Variants in TUBB3 observed in about 807,000 individuals in gnomAD.
TUBB3 encodes the protein tubulin beta 3 class III, also known as tubulin beta-3 chain.
TUBB3 carries 17 observed loss-of-function variants against 37.8 expected under a neutral mutation model. The observed-to-expected ratio is 0.45, with a 90% CI of 0.31 to 0.67. The LOEUF (loss-of-function observed/expected upper bound fraction) is 0.67. TUBB3 is among the 30% of genes least tolerant of loss of function. TUBB3 has a pLI of 0.07. For missense variants in TUBB3, 262 were observed against 657.9 expected (o/e 0.40, Z 6.58); for synonymous variants, 332 against 278.9 (o/e 1.19, Z -1.90).
In TUBB3 at chr16:89,935,474, C is replaced by T. The variant is rs749945164; in HGVS notation, c.1023C>T (p.Phe341=). ...TCCAGAGCAAGAACAGCAGCTACTT[C>T]GTGGAGTGGATCCCCAACAACGTGA... is the stretch of plus-strand genomic sequence containing the variant. ...LAIQSKNSSY[F]VEWIPNNVKV... Residue 341 remains phenylalanine, a synonymous_variant, in exon 4 of 4, where the codon TTC becomes TTT. Transcript: ENST00000315491. The T allele has an allele frequency of 1.2e-5, 20 of 1,614,122 alleles. No individual in the cohort carries two copies. The highest frequency in any genetic ancestry group is 1.7e-5 in the Admixed American group (1 of 60,010).
intron 1 of TUBB3, among the ~76,000 whole-genome samples, chr16:89,924,509 G>T (rs1349935825): frequency 1.3e-5 from 2 of 152,014 alleles, no homozygotes; most frequent in African/African-American, 4.8e-5. Context: ...CAGGGACCCA[G>T]CTCAGGGCTG....
At chr16:89,928,457 C>G (rs893032464) in intron 1 of TUBB3, among the ~76,000 whole-genome samples, 1 of 151,804 alleles carries the variant, frequency 6.6e-6, no homozygotes, top group African/African-American at 2.4e-5. Context: ...CTCCTGGGTT[C>G]AAGCAATTCT....
At chr16:89,932,759 TG>T in intron 2 of TUBB3, 80 bp downstream of exon 2, 1 of 1,156,854 alleles carries the variant, frequency 8.6e-7, no homozygotes, top group Non-Finnish European at 1.3e-6. Context: ...TCTCAGCACC[TG>T]GACTCACCAG....
chr16:89,923,392 C>G lies in TUBB3; in HGVS notation c.-10C>G. ...CGCCCGTCCGCAGCCGCCCGCCAGA[C>G]GCGCCCAGTATGAGGGAGATCGTGC... is the stretch of plus-strand genomic sequence containing the variant. On this transcript the variant is annotated 5_prime_UTR_variant, in exon 1 of 4. Coordinates refer to ENST00000315491, the MANE Select transcript of TUBB3 (RefSeq NM_006086.4). 2 of 1,481,984 alleles carry G rather than the reference C, an allele frequency of 1.3e-6. No homozygotes were observed. Among genetic ancestry groups the G allele is most frequent in the Non-Finnish European group, 1.8e-6 (2 of 1,113,874 alleles). The allele number at this position is 1,481,984 out of a possible 1,614,324, so 91.8% of individuals were successfully genotyped here. A position where few individuals can be genotyped will look rare whatever the true frequency, so the allele number is the denominator to read the frequency against.
chr16:89,933,744 GA>G (rs1178432807), intron 3 of TUBB3, 166 bp downstream of exon 3: 1 of 723,378 alleles, frequency 1.4e-6, no homozygotes, highest in South Asian at 1.4e-5. Flanking sequence ...GAGGCCCAGA[GA>G]AAGGGTTCTG....
intron 3 of TUBB3, chr16:89,933,816 C>T: frequency 1.4e-6 from 1 of 700,480 alleles, no homozygotes; most frequent in South Asian, 1.5e-5. Context: ...CAGACAGAAG[C>T]TTACAGAATT....
chr16:89,924,935 G>A (rs939084363), intron 1 of TUBB3, among the ~76,000 whole-genome samples: 3 of 151,812 alleles, frequency 2.0e-5, no homozygotes, highest in African/African-American at 4.8e-5. Flanking sequence ...GGGAGGGTCA[G>A]GGGTCGCTGG....
At chr16:89,929,825 C>T (rs933370390) in intron 1 of TUBB3, among the ~76,000 whole-genome samples, 25 of 152,102 alleles carry the variant, frequency 1.6e-4, no homozygotes, top group African/African-American at 6.0e-4. Context: ...CTCAGCCTCC[C>T]AAGCAGCTGG....
chr16:89,925,170 T>A (rs2030029565), intron 1 of TUBB3, among the ~76,000 whole-genome samples: 1 of 152,200 alleles, frequency 6.6e-6, no homozygotes, highest in South Asian at 2.1e-4. Flanking sequence ...AGGGAGCCCT[T>A]GTCCCCTGGA....
intron 1 of TUBB3, among the ~76,000 whole-genome samples, chr16:89,926,795 G>C (rs1052836743): frequency 3.3e-5 from 5 of 151,884 alleles, no homozygotes; most frequent in Admixed American, 6.6e-5. Context: ...TCGGCTCATT[G>C]CAACCTCCAC....
intron 1 of TUBB3, among the ~76,000 whole-genome samples, chr16:89,924,835 G>A (rs1432421077): frequency 6.6e-6 from 1 of 152,094 alleles, no homozygotes; most frequent in Non-Finnish European, 1.5e-5. Flanking sequence ...TCCCGGAGCA[G>A]CCTCTGACAG....
chr16:89,927,479 A>G (rs1597420333), intron 1 of TUBB3, among the ~76,000 whole-genome samples: 1 of 152,138 alleles, frequency 6.6e-6, no homozygotes, highest in Non-Finnish European at 1.5e-5. Flanking sequence ...TCTCCTGGTT[A>G]AAAAAAACCT....
intron 1 of TUBB3, among the ~76,000 whole-genome samples, chr16:89,925,007 A>G (rs2030024612): frequency 6.7e-6 from 1 of 148,726 alleles, no homozygotes; most frequent in African/African-American, 2.5e-5. Flanking sequence ...GGGGAGAGGG[A>G]GGGCAGGCAG....
At chr16:89,923,175 C>T, upstream of TUBB3, 1 of 190,446 alleles carries the variant, frequency 5.3e-6, no homozygotes, top group Non-Finnish European at 1.1e-5. Context: ...TCCTTGGCTG[C>T]GGGAGGGGCG....
rs558185923 is a variant in TUBB3, at chr16:89,935,927, G to A, written c.*123G>A. The A allele has an allele frequency of 2.3e-4, 294 of 1,280,738 alleles. No homozygotes were observed. The highest frequency in any genetic ancestry group is 1.8e-3 in the African/African-American group (118 of 67,192). The allele number at this position is 1,280,738 out of a possible 1,614,324, so 79.3% of individuals were successfully genotyped here. On this transcript the variant is annotated 3_prime_UTR_variant, in exon 4 of 4. Coordinates refer to ENST00000315491, the MANE Select transcript of TUBB3 (RefSeq NM_006086.4). ...CCCCTCGCCCTAGGGCTCCCTTGCC[G>A]CCCTCCTGCAGTATTTATGGCCTCG...
At chr16:89,931,506 T>C (rs2030277034) in intron 1 of TUBB3, among the ~76,000 whole-genome samples, 1 of 151,638 alleles carries the variant, frequency 6.6e-6, no homozygotes, top group Non-Finnish European at 1.5e-5. Flanking sequence ...CATCAGAGCG[T>C]GTCCCACGAT....
chr16:89,930,011 CT>C (rs1307907347), intron 1 of TUBB3, among the ~76,000 whole-genome samples: 1 of 128,582 alleles, frequency 7.8e-6, no homozygotes. Flanking sequence ...AAGCAGTTTT[CT>C]CCCCTTCCTT....
chr16:89,934,698 CCT>C, intron 3 of TUBB3, 29 bp from the exon 4 acceptor site: 1 of 1,608,656 alleles, frequency 6.2e-7, no homozygotes, highest in Non-Finnish European at 8.5e-7. Context: ...GTCCCTGGCC[CCT>C]GTCTCTTACC....
chr16:89,935,717 C>T lies in TUBB3; in HGVS notation c.1266C>T (p.Tyr422=). The T allele has an allele frequency of 6.2e-7, 1 of 1,613,842 alleles. No individual in the cohort carries two copies. Among genetic ancestry groups the T allele is most frequent in the East Asian group, 2.2e-5 (1 of 44,868 alleles). ...ACATGAACGACCTGGTGTCCGAGTA[C>T]CAGCAGTACCAGGACGCCACGGCCG... The part of the protein sequence containing the change: ...ESNMNDLVSE[Y]QQYQDATAEE... Residue 422 remains tyrosine, a synonymous_variant, in exon 4 of 4, where the codon TAC becomes TAT. Coordinates refer to ENST00000315491, the MANE Select transcript of TUBB3 (RefSeq NM_006086.4).
Sources: allele counts gnomAD v4.1 joint callset (sites outside exome capture counted in the v4.1 genomes callset), GRCh38; gene constraint gnomAD v4.1.1; transcripts MANE v1.5; gene names NCBI Gene and HGNC (gene_info 2026-07-23, HGNC 2026-07-21).